The following ANO6 variants were observed in gnomAD, a reference collection of about 807,000 sequenced individuals.
The protein encoded by ANO6 is anoctamin-6.
A neutral mutation model predicts 117.5 loss-of-function variants in ANO6; 106 were observed. The observed-to-expected ratio is 0.90, with a 90% CI of 0.77 to 1.06. The LOEUF is 1.06. Ranked by LOEUF, ANO6 falls within the 50% of genes least tolerant of loss-of-function variation. The probability of loss-of-function intolerance (pLI) is 0.00; values close to 1 mark genes in which losing one functional copy is unlikely to be tolerated. For synonymous variants in ANO6, 367 were observed against 385.1 expected, an observed-to-expected ratio of 0.95 and a Z score of 0.55; for missense variants, 955 against 1,121.1, an observed-to-expected ratio of 0.85 and a Z score of 2.12.
At chr12:45,267,386 C>T (rs938037317) in intron 1 of ANO6, among the ~76,000 whole-genome samples, 75 of 152,172 alleles carry the variant, frequency 4.9e-4, no homozygotes, top group African/African-American at 1.5e-3. Context: ...ACTTAATCAC[C>T]TCTTTAAAGA....
intron 15 of ANO6, among the ~76,000 whole-genome samples, chr12:45,405,242 CT>C (rs1484170152): frequency 5.3e-5 from 8 of 152,074 alleles, no homozygotes; most frequent in African/African-American, 1.9e-4. Flanking sequence ...TGAGGAAAGT[CT>C]TAATCCATTC....
intron 1 of ANO6, among the ~76,000 whole-genome samples, chr12:45,272,014 A>G (rs529704095): frequency 6.6e-5 from 10 of 152,328 alleles, no homozygotes; most frequent in Admixed American, 2.0e-4. Context: ...AAGTCACCAT[A>G]TATCATGGAA....
At chr12:45,257,673 T>C (rs900058211) in intron 1 of ANO6, among the ~76,000 whole-genome samples, 5 of 152,218 alleles carry the variant, frequency 3.3e-5, no homozygotes, top group Admixed American at 1.3e-4. Context: ...TAGGCTCTTG[T>C]GTCTCACCTG....
At chr12:45,362,449 A>AT (rs1010592591) in intron 8 of ANO6, among the ~76,000 whole-genome samples, 4 of 151,906 alleles carry the variant, frequency 2.6e-5, no homozygotes, top group Non-Finnish European at 4.4e-5. Context: ...TGTTTAGTTG[A>AT]TTTTTTTGTT....
intron 1 of ANO6, among the ~76,000 whole-genome samples, chr12:45,296,542 A>G (rs891951282): frequency 1.3e-5 from 2 of 152,006 alleles, no homozygotes; most frequent in African/African-American, 4.8e-5. Context: ...TTTTTTCCAA[A>G]TTGTATTAGT....
intron 2 of ANO6, among the ~76,000 whole-genome samples, chr12:45,309,637 G>A (rs1426518736): frequency 6.6e-6 from 1 of 151,778 alleles, no homozygotes; most frequent in Admixed American, 6.6e-5. Context: ...TGGTGTTAGG[G>A]CTATTGAAAA....
At chr12:45,370,242 G>A (rs1391782810) in intron 9 of ANO6, among the ~76,000 whole-genome samples, 1 of 152,194 alleles carries the variant, frequency 6.6e-6, no homozygotes, top group Admixed American at 6.5e-5. Context: ...AAAGAAGTCA[G>A]CCATCTTATT....
At chr12:45,334,240 A>G (rs1191339044) in intron 3 of ANO6, among the ~76,000 whole-genome samples, 1 of 152,110 alleles carries the variant, frequency 6.6e-6, no homozygotes, top group South Asian at 2.1e-4. Context: ...CTTGGCACAG[A>G]ATGTTTGAAT....
chr12:45,419,226 T>G (rs1943292250), intron 17 of ANO6, among the ~76,000 whole-genome samples: 1 of 152,246 alleles, frequency 6.6e-6, no homozygotes, highest in Non-Finnish European at 1.5e-5. Context: ...TGAAACACAC[T>G]GCATTTATTT....
intron 12 of ANO6, among the ~76,000 whole-genome samples, chr12:45,397,751 C>T (rs541120259): frequency 7.2e-4 from 109 of 152,268 alleles, no homozygotes; most frequent in Middle Eastern, 3.4e-3. Context: ...AACCAAACAC[C>T]GCATGTTCTC....
At chr12:45,255,852 G>A (rs1240690676) in intron 1 of ANO6, among the ~76,000 whole-genome samples, 4 of 110,626 alleles carry the variant, frequency 3.6e-5, no homozygotes, top group Admixed American at 1.2e-4. Flanking sequence ...ACTGAATCTC[G>A]CCCATTCGCA....
intron 2 of ANO6, among the ~76,000 whole-genome samples, chr12:45,318,782 T>C (rs1250577869): frequency 6.6e-6 from 1 of 152,216 alleles, no homozygotes; most frequent in Non-Finnish European, 1.5e-5. Flanking sequence ...CATTTGTTTG[T>C]GTCCTCTTTT....
intron 7 of ANO6, 46 bp from the exon 8 acceptor site, chr12:45,357,244 G>A: frequency 6.3e-7 from 1 of 1,593,398 alleles, no homozygotes. Context: ...TGAAGCTACG[G>A]AGTAATTATT....
chr12:45,299,866 GA>G (rs1939423616), intron 1 of ANO6, among the ~76,000 whole-genome samples: 1 of 151,690 alleles, frequency 6.6e-6, no homozygotes, highest in African/African-American at 2.4e-5. Flanking sequence ...AAAAGAAAAA[GA>G]AAAAGAAAAA....
chr12:45,415,340 G>T (rs935679015), intron 16 of ANO6, among the ~76,000 whole-genome samples: 7 of 152,170 alleles, frequency 4.6e-5, no homozygotes, highest in African/African-American at 1.7e-4. Flanking sequence ...TTTTAACAAG[G>T]TTTACTGATA....
At chr12:45,305,005 C>G (rs1351735945) in intron 2 of ANO6, among the ~76,000 whole-genome samples, 1 of 152,184 alleles carries the variant, frequency 6.6e-6, no homozygotes, top group African/African-American at 2.4e-5. Context: ...CCATTGATTA[C>G]ATGTCACCTG....
chr12:45,423,115 T>G lies in ANO6; in HGVS notation c.2526+53T>G, dbSNP rs536260448. 2.9e-6 allele frequency: 4 copies of G among 1,360,630 alleles called. No individual in the cohort carries two copies. In the African/African-American group the frequency reaches 5.7e-5, roughly 19 times the overall value. The allele number at this position is 1,360,630 out of a possible 1,614,324, so 84.3% of individuals were successfully genotyped here. The stretch of plus-strand genomic sequence containing the variant: ...TATAAGGATGTGTATTTGCAGACCT[T>G]CCATTAAGTGTTGCCAACTCCATAC... On this transcript the variant is annotated intron_variant, in intron 19 of 19. Transcript: ENST00000320560.
intron 1 of ANO6, among the ~76,000 whole-genome samples, chr12:45,238,631 G>C (rs1947686417): frequency 6.6e-6 from 1 of 152,168 alleles, no homozygotes. Context: ...TTTTCAAAGG[G>C]AATGCTTCCA....
downstream of ANO6, among the ~76,000 whole-genome samples, chr12:45,433,542 C>T (rs1449015349): frequency 2.6e-5 from 4 of 152,290 alleles, no homozygotes; most frequent in African/African-American, 4.8e-5. Context: ...GAACCTAACA[C>T]GGTGAGTTTT....
Sources: gnomAD v4.1 joint callset for allele counts (sites outside exome capture counted in the v4.1 genomes callset) on GRCh38, gnomAD v4.1.1 for gene constraint, MANE v1.5 for transcripts, NCBI Gene and HGNC (gene_info 2026-07-23, HGNC 2026-07-21) for gene names.